Variants in WDR72 observed in about 807,000 individuals in gnomAD.
WDR72 encodes WD repeat-containing protein 72.
A neutral mutation model predicts 124.2 loss-of-function variants in WDR72; 120 were observed. The ratio of observed to expected loss-of-function variants is 0.97; its 90% CI spans 0.83 to 1.12. WDR72 has a LOEUF of 1.12. Ranked by LOEUF, WDR72 falls within the 50% of genes most tolerant of loss-of-function variation. The probability of loss-of-function intolerance (pLI) is 0.00; values close to 1 mark genes in which losing one functional copy is unlikely to be tolerated. For missense variants in WDR72, 1,387 were observed against 1,278.8 expected (o/e 1.08, Z -1.29); for synonymous variants, 452 against 441.7 (o/e 1.02, Z -0.29).
At chr15:53,530,225 A>G (rs1376674236) in intron 18 of WDR72, among the ~76,000 whole-genome samples, 1 of 151,424 alleles carries the variant, frequency 6.6e-6, no homozygotes, top group Non-Finnish European at 1.5e-5. Flanking sequence ...ATATTTATCT[A>G]CAATTTGGTA....
At chr15:53,554,657 T>C (rs1893861147) in intron 18 of WDR72, among the ~76,000 whole-genome samples, 1 of 152,122 alleles carries the variant, frequency 6.6e-6, no homozygotes, top group South Asian at 2.1e-4. Flanking sequence ...CATGGAATAC[T>C]ACTGCTACAT....
rs1891897009 is a variant in WDR72 at position 53,523,228 on chromosome 15, A to C, written c.3243T>G (p.Ser1081=). Residue 1081 remains serine (S), a synonymous_variant, in exon 19 of 20, where the codon TCT becomes TCG. Transcript: ENST00000360509. The stretch of plus-strand genomic sequence containing the variant: ...TTAAATGGCTTTCACCTGGACTCTC[A>C]GACTCTTCCAAGGCACATCTGTCAG... ...DMPDRCALEE[S]ESPGEPRHHS... is the part of the protein sequence containing the mutation. 6.2e-7 allele frequency: 1 copy of C among 1,612,992 alleles called. No homozygotes were observed. The highest frequency in any genetic ancestry group is 2.2e-5 in the East Asian group (1 of 44,842).
At chr15:53,621,399 T>C (rs59530560) in intron 14 of WDR72, among the ~76,000 whole-genome samples, 17,523 of 144,296 alleles carry the variant, frequency 0.12, 2,443 homozygotes, top group African/African-American at 0.35. Context: ...ACCCAAATGC[T>C]CATCCATCAA....
At chr15:53,654,232 A>G (rs1409418567) in intron 14 of WDR72, among the ~76,000 whole-genome samples, 1 of 152,214 alleles carries the variant, frequency 6.6e-6, no homozygotes, top group Non-Finnish European at 1.5e-5. Flanking sequence ...AGAGGGCTGC[A>G]AAAGATTTAA....
chr15:53,715,575 A>C (rs953665971), intron 4 of WDR72, among the ~76,000 whole-genome samples: 15 of 152,186 alleles, frequency 9.9e-5, no homozygotes, highest in African/African-American at 3.6e-4. Context: ...TTTCTAGGGA[A>C]AGAGAGATCG....
In WDR72 at chr15:53,615,682, T is replaced by C; in HGVS notation, c.2524A>G (p.Met842Val). 6.2e-7 allele frequency: 1 copy of C among 1,611,868 alleles called. No homozygotes were observed. Among genetic ancestry groups the C allele is most frequent in the Non-Finnish European group, 8.5e-7 (1 of 1,178,930 alleles). ...ISLNEDNFSL[M>V]LPGWDLCNSG... ...TTGCATAAATCCCAACCTGGCAACA[T>C]CAGTGAGAAATTATCTTCATTCAAA... Residue 842 changes from methionine to valine, a missense_variant, in exon 15 of 20, where the codon ATG (methionine) becomes GTG (valine). Transcript: ENST00000360509.
intron 9 of WDR72, among the ~76,000 whole-genome samples, chr15:53,706,362 A>ATATATATGTGTGTG (rs1567040155): frequency 1.4e-4 from 6 of 43,940 alleles, no homozygotes; most frequent in Admixed American, 4.9e-4. Context: ...ATATATATAT[A>ATATATATGTGTGTG]TATATATATA....
chr15:53,515,092 C>CATATATATGTGTATATATATGTGTGTAT lies in WDR72; in HGVS notation c.*2606_*2607insATACACACATATATATACACATATATAT, dbSNP rs1479207889. On this transcript the variant is annotated 3_prime_UTR_variant, in exon 20 of 20. Coordinates refer to ENST00000360509, the MANE Select transcript of WDR72 (RefSeq NM_182758.4). ...ACACATATATATGTATGTATACACA[C>CATATATATGTGTATATATATGTGTGTAT]ACACACACACACACAAATACATTCA... The CATATATATGTGTATATATATGTGTGTAT allele has an allele frequency of 4.0e-5, 1 of 24,784 alleles. No homozygotes were observed. The highest frequency in any genetic ancestry group is 5.2e-4 in the Admixed American group (1 of 1,916). The allele number at this position is 24,784 out of a possible 1,614,324, so 1.5% of individuals were successfully genotyped here.
At chr15:53,636,187 A>T (rs1018485507) in intron 14 of WDR72, among the ~76,000 whole-genome samples, 4 of 152,038 alleles carry the variant, frequency 2.6e-5, no homozygotes, top group East Asian at 1.9e-4. Flanking sequence ...ATAAAGGTAA[A>T]TTTTTTTCTA....
At chr15:53,579,915 G>A (rs1254223570) in intron 18 of WDR72, among the ~76,000 whole-genome samples, 1 of 152,076 alleles carries the variant, frequency 6.6e-6, no homozygotes, top group Non-Finnish European at 1.5e-5. Context: ...CAGGGTTGAA[G>A]TAAGGACTTC....
At chr15:53,660,359 T>C (rs1595827080) in intron 14 of WDR72, among the ~76,000 whole-genome samples, 2 of 152,144 alleles carry the variant, frequency 1.3e-5, no homozygotes, top group Non-Finnish European at 2.9e-5. Flanking sequence ...AGTCTCACAA[T>C]TTAGAAACTA....
chr15:53,562,276 A>T (rs1299798194), intron 18 of WDR72, among the ~76,000 whole-genome samples: 1 of 151,822 alleles, frequency 6.6e-6, no homozygotes, highest in Non-Finnish European at 1.5e-5. Flanking sequence ...CAATTCTTGC[A>T]GCTTTTTTCC....
intron 13 of WDR72, among the ~76,000 whole-genome samples, chr15:53,679,679 TA>T (rs1228276257): frequency 7.9e-5 from 12 of 152,100 alleles, no homozygotes; most frequent in African/African-American, 2.4e-4. Context: ...AAAGCCAGAT[TA>T]AACTGTATTA....
intron 2 of WDR72, among the ~76,000 whole-genome samples, chr15:53,724,906 T>A (rs1257687197): frequency 6.6e-6 from 1 of 152,136 alleles, no homozygotes; most frequent in Non-Finnish European, 1.5e-5. Flanking sequence ...TGGAGGAAAT[T>A]TTAGGCTTCA....
intron 2 of WDR72, among the ~76,000 whole-genome samples, chr15:53,725,553 C>T (rs1318881094): frequency 6.6e-6 from 1 of 152,054 alleles, no homozygotes; most frequent in African/African-American, 2.4e-5. Flanking sequence ...GTGATAGCAA[C>T]CAAGATATCC....
At chr15:53,753,112 G>A (rs140013475) in intron 1 of WDR72, among the ~76,000 whole-genome samples, 7 of 152,188 alleles carry the variant, frequency 4.6e-5, no homozygotes, top group African/African-American at 9.6e-5. Context: ...TTGGCTTCTC[G>A]TGTAAAAATA....
At chr15:53,683,639 G>C (rs2016481009) in intron 13 of WDR72, among the ~76,000 whole-genome samples, 1 of 151,932 alleles carries the variant, frequency 6.6e-6, no homozygotes, top group African/African-American at 2.4e-5. Flanking sequence ...ATAGAAAATA[G>C]ATTTTAAAAA....
intron 1 of WDR72, among the ~76,000 whole-genome samples, chr15:53,749,813 T>C (rs2018731720): frequency 6.6e-6 from 1 of 152,176 alleles, no homozygotes; most frequent in Non-Finnish European, 1.5e-5. Context: ...TCAGGAAAGA[T>C]GATCAAACCA....
chr15:53,622,330 T>A (rs1385925253), intron 14 of WDR72, among the ~76,000 whole-genome samples: 1 of 152,142 alleles, frequency 6.6e-6, no homozygotes, highest in Non-Finnish European at 1.5e-5. Context: ...GCAAGTGTTA[T>A]GTTCATTGCA....
Sources: allele counts gnomAD v4.1 joint callset (sites outside exome capture counted in the v4.1 genomes callset), GRCh38; gene constraint gnomAD v4.1.1; transcripts MANE v1.5; gene names NCBI Gene and HGNC (gene_info 2026-07-23, HGNC 2026-07-21).